The following GDAP1 variants were observed in gnomAD, a reference collection of about 807,000 sequenced individuals.
The protein encoded by GDAP1 is ganglioside-induced differentiation-associated protein 1.
GDAP1 carries 34 observed loss-of-function variants against 40.1 expected under a neutral mutation model. The ratio of observed to expected loss-of-function variants is 0.85; its 90% confidence interval spans 0.64 to 1.13. The LOEUF is 1.13. Among genes scored for constraint, GDAP1 ranks in the 50% most tolerant of loss-of-function variants. The pLI is 0.00. For missense variants in GDAP1, 374 were observed against 433.7 expected (o/e 0.86, Z 1.22); for synonymous variants, 170 against 157.4 (o/e 1.08, Z -0.60).
rs1462176483 is a variant in GDAP1, at chr8:74,452,800, T to C, written c.166-35878T>C. ...TACTGATTGTTTTTTCTTTTGACCT[T>C]AAGTCACAGTTTTATTCTTCTTTAC... On this transcript the variant is annotated intron_variant, in intron 2 of 2. Coordinates refer to the GDAP1 transcript ENST00000523640. Among the ~76,000 whole-genome samples the C allele has an allele frequency of 3.6e-5, 3 of 84,484 alleles. 1 individual carries two copies. In the East Asian group the frequency reaches 1.0e-3, roughly 29 times the overall value. The allele number at this position is 84,484 out of a possible 152,430, so 55.4% of individuals were successfully genotyped here.
intron 2 of GDAP1, among the ~76,000 whole-genome samples, chr8:74,396,787 G>A (rs1166456767): frequency 6.6e-6 from 1 of 152,098 alleles, no homozygotes; most frequent in Non-Finnish European, 1.5e-5. Flanking sequence ...CCAAGTCTTT[G>A]CTATTGTGAA....
chr8:74,480,000 T>G (rs1191244240), intron 2 of GDAP1, among the ~76,000 whole-genome samples: 1 of 150,014 alleles, frequency 6.7e-6, no homozygotes, highest in Non-Finnish European at 1.5e-5. Flanking sequence ...TTTTTTTTTT[T>G]TTTTTTGAGA....
chr8:74,398,265 T>A (rs879712238), intron 2 of GDAP1, among the ~76,000 whole-genome samples: 1 of 152,208 alleles, frequency 6.6e-6, no homozygotes, highest in Non-Finnish European at 1.5e-5. Context: ...AAAGTCTGTT[T>A]TATCTGAGAC....
intron 2 of GDAP1, among the ~76,000 whole-genome samples, chr8:74,389,630 G>C (rs1810077897): frequency 6.6e-6 from 1 of 152,084 alleles, no homozygotes; most frequent in African/African-American, 2.4e-5. Context: ...TTTCAACCTT[G>C]GTGAATCTGA....
rs534491617 is a variant in GDAP1 at position 74,396,896 on chromosome 8, G to C, written c.165+45575G>C. Reference sequence around the variant, plus strand: ...AGTAATGGGATGGCTGGGTCAAATTGTATTTCCAGTTCTAGATCCCTGAGG... The same window carrying C: ...AGTAATGGGATGGCTGGGTCAAATTCTATTTCCAGTTCTAGATCCCTGAGG... On this transcript the variant is annotated intron_variant, in intron 2 of 2. Transcript: ENST00000523640. Among the ~76,000 whole-genome samples the C allele has an allele frequency of 3.0e-3, 462 of 152,298 alleles. 2 individuals are homozygous for C. The highest frequency in any genetic ancestry group is 0.011 in the African/African-American group (443 of 41,544).
chr8:74,366,174 C>T lies in GDAP1; in HGVS notation c.*1807C>T, dbSNP rs1476040015. Reference sequence around the variant, plus strand: ...TCTTTCTAGAATGTGTTTATAATTTCCTTGTACAGTTTCTTTGGAAATACG... The same window carrying T: ...TCTTTCTAGAATGTGTTTATAATTTTCTTGTACAGTTTCTTTGGAAATACG... On this transcript the variant is annotated 3_prime_UTR_variant, in exon 6 of 6. Coordinates refer to ENST00000220822, the MANE Select transcript of GDAP1 (RefSeq NM_018972.4). 1 of 453,612 alleles carries T rather than the reference C, an allele frequency of 2.2e-6. No individual in the cohort carries two copies. The highest frequency in any genetic ancestry group is 4.4e-6 in the Non-Finnish European group (1 of 226,664). 28.1% of individuals were successfully genotyped at this position (453,612 alleles called of 1,614,324 possible).
intron 1 of GDAP1, 123 bp downstream of exon 1, chr8:74,350,701 G>T: frequency 1.3e-6 from 1 of 761,226 alleles, no homozygotes; most frequent in Non-Finnish European, 2.3e-6. Flanking sequence ...TCCTGACCCC[G>T]GGCAGGCGCT....
At chr8:74,371,875 T>G (rs1298736299), downstream of GDAP1, among the ~76,000 whole-genome samples, 2 of 152,022 alleles carry the variant, frequency 1.3e-5, no homozygotes, top group African/African-American at 2.4e-5. Context: ...CTGCACCCAT[T>G]AACTCGTCAT....
chr8:74,395,773 C>G (rs572001156), intron 2 of GDAP1, among the ~76,000 whole-genome samples: 9 of 152,106 alleles, frequency 5.9e-5, no homozygotes, highest in Non-Finnish European at 1.0e-4. Flanking sequence ...TGGTTTTAGG[C>G]TTAATGGAAG....
chr8:74,358,719 G>A (rs2131510004), intron 2 of GDAP1, among the ~76,000 whole-genome samples: 1 of 152,180 alleles, frequency 6.6e-6, no homozygotes, highest in South Asian at 2.1e-4. Flanking sequence ...CATGTTTTAG[G>A]AAAACCCAGG....
At chr8:74,431,732 C>T (rs1436653123) in intron 2 of GDAP1, among the ~76,000 whole-genome samples, 6 of 152,094 alleles carry the variant, frequency 3.9e-5, no homozygotes, top group East Asian at 1.9e-4. Context: ...CTGCCTGCGT[C>T]GGCCTCCCAA....
chr8:74,436,947 T>C (rs1806100261), intron 2 of GDAP1, among the ~76,000 whole-genome samples: 1 of 152,094 alleles, frequency 6.6e-6, no homozygotes, highest in African/African-American at 2.4e-5. Context: ...TGCCTAGGCT[T>C]GGAGTAACTG....
chr8:74,488,301 G>A lies in GDAP1; in HGVS notation c.166-377G>A, dbSNP rs77212972. 3.1e-3 allele frequency among the ~76,000 whole-genome samples: 469 copies of A among 152,186 alleles called. 4 individuals carry two copies. The highest frequency in any genetic ancestry group is 4.7e-3 in the Non-Finnish European group (323 of 68,010). Reference sequence around the variant, plus strand: ...AGAATATTTGCTTTTAACTTGTAAGGCATTTCCAAAATATCACTGTTGGAT... The same window carrying A: ...AGAATATTTGCTTTTAACTTGTAAGACATTTCCAAAATATCACTGTTGGAT... On this transcript the variant is annotated intron_variant, in intron 2 of 2. Coordinates refer to the GDAP1 transcript ENST00000523640.
chr8:74,416,329 C>G lies in GDAP1; in HGVS notation c.165+65008C>G, dbSNP rs969310787. Among the ~76,000 whole-genome samples, 3 of 150,116 alleles carry G rather than the reference C, an allele frequency of 2.0e-5. 1 individual carries two copies. The highest frequency in any genetic ancestry group is 7.6e-5 in the African/African-American group (3 of 39,428). ...TGCCTGAGACGCCATTGAGCCTCCC[C>G]TGGGTAACATGAGGCATGCACAAAT... On this transcript the variant is annotated intron_variant, in intron 2 of 2. Transcript: ENST00000523640.
At chr8:74,391,764 A>G (rs1056172393) in intron 2 of GDAP1, among the ~76,000 whole-genome samples, 2 of 152,260 alleles carry the variant, frequency 1.3e-5, no homozygotes. Flanking sequence ...ATAGCAAAAT[A>G]TATAAAGGTA....
At chr8:74,353,186 C>T (rs971917624) in intron 2 of GDAP1, among the ~76,000 whole-genome samples, 1 of 152,158 alleles carries the variant, frequency 6.6e-6, no homozygotes, top group African/African-American at 2.4e-5. Context: ...ATGCTAAGTT[C>T]TTTTGATTAC....
chr8:74,402,560 A>G (rs1381549537), intron 2 of GDAP1, among the ~76,000 whole-genome samples: 1 of 150,134 alleles, frequency 6.7e-6, no homozygotes, highest in East Asian at 1.9e-4. Flanking sequence ...CGCTGCACCC[A>G]CTGTCCTGCG....
intron 2 of GDAP1, among the ~76,000 whole-genome samples, chr8:74,432,986 C>T (rs1277607934): frequency 1.3e-5 from 2 of 152,158 alleles, no homozygotes; most frequent in Non-Finnish European, 2.9e-5. Context: ...TTATGATTGT[C>T]CCCTAGTCCA....
intron 2 of GDAP1, among the ~76,000 whole-genome samples, chr8:74,386,472 T>G (rs1348583607): frequency 2.6e-5 from 4 of 152,120 alleles, no homozygotes; most frequent in Non-Finnish European, 4.4e-5. Flanking sequence ...TTTTGTCAGG[T>G]TTGTCAAAAA....
Sources: allele counts gnomAD v4.1 joint callset (sites outside exome capture counted in the v4.1 genomes callset), GRCh38; gene constraint gnomAD v4.1.1; transcripts MANE v1.5; gene names NCBI Gene and HGNC (gene_info 2026-07-23, HGNC 2026-07-21).